Variants in PLA2G12B observed in about 807,000 individuals in gnomAD.
PLA2G12B encodes group XIIB secretory phospholipase A2-like protein.
In PLA2G12B, 19 loss-of-function variants were observed where a neutral mutation model predicts 22.3. That is an observed-to-expected ratio of 0.85 (90% confidence interval 0.60 to 1.25). PLA2G12B has a LOEUF of 1.25. Ranked by LOEUF, PLA2G12B falls within the 50% of genes most tolerant of loss-of-function variation. The probability of loss-of-function intolerance (pLI) is 0.00; values close to 1 mark genes in which losing one functional copy is unlikely to be tolerated. For synonymous variants in PLA2G12B, 81 were observed against 94.9 expected (o/e 0.85, Z 0.85); for missense variants, 191 against 246.6 (o/e 0.77, Z 1.51).
chr10:72,945,701 G>A (rs1250267288), intron 1 of PLA2G12B, among the ~76,000 whole-genome samples: 7 of 151,648 alleles, frequency 4.6e-5, no homozygotes, highest in South Asian at 2.1e-4. Flanking sequence ...AGGCTGGAGT[G>A]CAGTGGTGCG....
chr10:72,944,186 GAAAC>G (rs1430489911), intron 1 of PLA2G12B, among the ~76,000 whole-genome samples: 1 of 151,864 alleles, frequency 6.6e-6, no homozygotes, highest in Non-Finnish European at 1.5e-5. Flanking sequence ...AAAAGTCAGA[GAAAC>G]AAACAGCCAT....
chr10:72,943,091 G>A (rs57032185), intron 1 of PLA2G12B, among the ~76,000 whole-genome samples: 6,081 of 151,558 alleles, frequency 0.04, 424 homozygotes, highest in African/African-American at 0.14. Context: ...TCAGCCTCCC[G>A]AGTAGCTGGG....
In PLA2G12B at chr10:72,941,038, G is replaced by A. The variant is rs1345956443; in HGVS notation, c.466+131C>T. The A allele has an allele frequency of 3.9e-6, 4 of 1,034,710 alleles. No individual in the cohort carries two copies. In the African/African-American group the frequency reaches 4.9e-5, roughly 13 times the overall value. 64.1% of individuals were successfully genotyped at this position (1,034,710 alleles called of 1,614,324 possible). On this transcript the variant is annotated intron_variant, in intron 3 of 3. Transcript: ENST00000373032. ...TCTTTCCTTCACCATTTCTTGCTCAGCCACAGTGTTCCATAAAGAATATTC... is the reference window on the plus strand; with the variant it reads ...TCTTTCCTTCACCATTTCTTGCTCAACCACAGTGTTCCATAAAGAATATTC...
chr10:72,943,889 C>T (rs1460081800), intron 1 of PLA2G12B, among the ~76,000 whole-genome samples: 2 of 152,192 alleles, frequency 1.3e-5, no homozygotes, highest in African/African-American at 2.4e-5. Flanking sequence ...GATACAAGAC[C>T]CTAGTGTAAG....
Position 72,951,583 on chromosome 10 carries a change from G to A in PLA2G12B, c.211+2892C>T, listed in dbSNP as rs192623505. Reference sequence around the variant, plus strand: ...CACCATTCTCCTGCCTCAGCCTCCCGAGTAGCTGGAACTACTGGCACCCGC... The same window carrying A: ...CACCATTCTCCTGCCTCAGCCTCCCAAGTAGCTGGAACTACTGGCACCCGC... On this transcript the variant is annotated intron_variant, in intron 1 of 3. Transcript: ENST00000373032. Among the ~76,000 whole-genome samples, 1,186 of 149,512 alleles carry A rather than the reference G, an allele frequency of 7.9e-3. 8 individuals are homozygous for A. Among genetic ancestry groups the A allele is most frequent in the African/African-American group, 0.014 (583 of 40,362 alleles).
At chr10:72,940,308 C>T (rs958397303) in intron 3 of PLA2G12B, among the ~76,000 whole-genome samples, 1 of 152,150 alleles carries the variant, frequency 6.6e-6, no homozygotes, top group African/African-American at 2.4e-5. Flanking sequence ...TACCTGGATA[C>T]AATATCCTGG....
At chr10:72,943,460 T>C (rs1380890376) in intron 1 of PLA2G12B, among the ~76,000 whole-genome samples, 1 of 152,184 alleles carries the variant, frequency 6.6e-6, no homozygotes, top group Non-Finnish European at 1.5e-5. Context: ...CAAAAGGGTT[T>C]AACTTGCAGG....
chr10:72,941,142 C>T lies in PLA2G12B; in HGVS notation c.466+27G>A, dbSNP rs780188471. The T allele has an allele frequency of 3.1e-6, 5 of 1,607,970 alleles. No homozygotes were observed. The South Asian group carries it at 5.5e-5, about 18-fold the overall frequency. ...GAAAACAGGAACAAACCTCCCTGTG[C>T]ACTGTACGTGCCATTGAGACACCTA... On this transcript the variant is annotated intron_variant, in intron 3 of 3. Transcript: ENST00000373032.
At chr10:72,950,213 A>G (rs1846507104) in intron 1 of PLA2G12B, among the ~76,000 whole-genome samples, 1 of 152,160 alleles carries the variant, frequency 6.6e-6, no homozygotes, top group African/African-American at 2.4e-5. Context: ...TAGTACTGAA[A>G]GTCTCACATC....
intron 1 of PLA2G12B, among the ~76,000 whole-genome samples, chr10:72,947,676 C>A (rs1041605822): frequency 6.6e-6 from 1 of 152,176 alleles, no homozygotes; most frequent in East Asian, 1.9e-4. Flanking sequence ...CCAAGGTAGA[C>A]CTTGTGCCCA....
intron 2 of PLA2G12B, 85 bp from the exon 3 acceptor site, chr10:72,941,419 T>C: frequency 7.4e-7 from 1 of 1,344,902 alleles, no homozygotes; most frequent in Non-Finnish European, 1.0e-6. Context: ...CCCACCTTGT[T>C]ATTAACTAGC....
intron 3 of PLA2G12B, among the ~76,000 whole-genome samples, chr10:72,938,392 G>A (rs79782364): frequency 0.023 from 3,547 of 152,118 alleles, 133 homozygotes; most frequent in African/African-American, 0.082. Flanking sequence ...AAATTGGAAA[G>A]GAAGATGATA....
rs553104177 is a variant in PLA2G12B at position 72,935,119 on chromosome 10, G to A, written c.*498C>T. On this transcript the variant is annotated 3_prime_UTR_variant, in exon 4 of 4. Coordinates refer to ENST00000373032, the MANE Select transcript of PLA2G12B (RefSeq NM_032562.5). Reference sequence around the variant, plus strand: ...GGTGGAACTTACCAGGTTCAGTTTTGGTCTCTTCTAAGTGAAATGGAAGCA... The same window carrying A: ...GGTGGAACTTACCAGGTTCAGTTTTAGTCTCTTCTAAGTGAAATGGAAGCA... The A allele has an allele frequency of 1.3e-5, 2 of 152,940 alleles. No individual in the cohort carries two copies. The highest frequency in any genetic ancestry group is 2.9e-5 in the Non-Finnish European group (2 of 68,558). 9.5% of individuals were successfully genotyped at this position (152,940 alleles called of 1,614,324 possible).
chr10:72,943,154 C>T (rs1351909039), intron 1 of PLA2G12B, among the ~76,000 whole-genome samples: 1 of 152,090 alleles, frequency 6.6e-6, no homozygotes, highest in Non-Finnish European at 1.5e-5. Context: ...TTAGTAGAGA[C>T]AGGGTTTCAC....
intron 1 of PLA2G12B, among the ~76,000 whole-genome samples, chr10:72,954,191 G>T (rs1846579288): frequency 6.6e-6 from 1 of 152,152 alleles, no homozygotes; most frequent in Non-Finnish European, 1.5e-5. Flanking sequence ...AGGTTTCCCA[G>T]ATACAATACA....
At chr10:72,945,667 A>T (rs1382815200) in intron 1 of PLA2G12B, among the ~76,000 whole-genome samples, 1 of 149,402 alleles carries the variant, frequency 6.7e-6, no homozygotes, top group African/African-American at 2.5e-5. Context: ...TTTTTTTTTC[A>T]GATGGAATCT....
At position 72,934,791 on chromosome 10, in the gene PLA2G12B, GT is replaced by G. The variant is rs1300522192; in HGVS notation, c.*825del. ...GATCCTCAGGTGATTCTAATCCATA[GT>G]TAGGCTTGAGACCCGCAAGTTAGGG... On this transcript the variant is annotated 3_prime_UTR_variant, in exon 4 of 4. Transcript: ENST00000373032. Among the ~76,000 whole-genome samples the G allele has an allele frequency of 6.6e-6, 1 of 152,168 alleles. No individual in the cohort carries two copies. The highest frequency in any genetic ancestry group is 1.5e-5 in the Non-Finnish European group (1 of 68,040).
chr10:72,945,260 G>T (rs865879633), intron 1 of PLA2G12B, among the ~76,000 whole-genome samples: 3 of 152,168 alleles, frequency 2.0e-5, no homozygotes, highest in African/African-American at 7.2e-5. Context: ...AAGTGGAGGT[G>T]TGTTCCTCCT....
At position 72,934,808 on chromosome 10, in the gene PLA2G12B, C is replaced by T. The variant is rs1474813997; in HGVS notation, c.*809G>A. 6.6e-6 allele frequency among the ~76,000 whole-genome samples: 1 copy of T among 152,148 alleles called. No homozygotes were observed. The highest frequency in any genetic ancestry group is 2.4e-5 in the African/African-American group (1 of 41,412). ...AATCCATAGTTAGGCTTGAGACCCG[C>T]AAGTTAGGGAATGGCCACTTGTCTC... On this transcript the variant is annotated 3_prime_UTR_variant, in exon 4 of 4. Transcript: ENST00000373032.
Sources: gnomAD v4.1 joint callset for allele counts (sites outside exome capture counted in the v4.1 genomes callset) on GRCh38, gnomAD v4.1.1 for gene constraint, MANE v1.5 for transcripts, NCBI Gene and HGNC (gene_info 2026-07-23, HGNC 2026-07-21) for gene names.